The following NRXN1 variants were observed in gnomAD, a reference collection of about 807,000 sequenced individuals.
NRXN1 encodes neurexin 1.
In NRXN1, 39 loss-of-function variants were observed where a neutral mutation model predicts 150.9. That is an observed-to-expected ratio of 0.26 (90% CI 0.20 to 0.34). The LOEUF (loss-of-function observed/expected upper bound fraction) is 0.34. Ranked by LOEUF, NRXN1 falls within the 10% of genes least tolerant of loss-of-function variation. The pLI is 1.00. For missense variants in NRXN1, 1,815 were observed against 1,949.9 expected, an observed-to-expected ratio of 0.93 and a Z score of 1.30; for synonymous variants, 924 against 757.0, an observed-to-expected ratio of 1.22 and a Z score of -3.62.
rs551154450 is a variant in NRXN1, at chr2:50,449,244, A to G, written c.3364+16198T>C. Among the ~76,000 whole-genome samples the G allele has an allele frequency of 1.4e-4, 21 of 152,374 alleles. No homozygotes were observed. In the South Asian group the frequency reaches 4.1e-3, roughly 30 times the overall value. The stretch of plus-strand genomic sequence containing the variant: ...GCTAAACCAGTGGAGATTACCAAAA[A>G]GTAAAAGTAATGTAAAAATGGTGAA... On this transcript the variant is annotated intron_variant, in intron 17 of 22. Coordinates refer to ENST00000401669, the MANE Select transcript of NRXN1 (RefSeq NM_001330078.2).
chr2:50,733,206 C>T (rs992328460), intron 5 of NRXN1, among the ~76,000 whole-genome samples: 2 of 152,088 alleles, frequency 1.3e-5, no homozygotes, highest in African/African-American at 4.8e-5. Context: ...TTGATTGAAT[C>T]AGCAGTTTGT....
At chr2:50,356,016 A>T (rs1387184164) in intron 17 of NRXN1, among the ~76,000 whole-genome samples, 1 of 152,118 alleles carries the variant, frequency 6.6e-6, no homozygotes, top group Non-Finnish European at 1.5e-5. Flanking sequence ...ATTCATTGTC[A>T]TATTTTCCTA....
At chr2:50,054,679 T>C (rs1693321989) in intron 20 of NRXN1, among the ~76,000 whole-genome samples, 1 of 152,174 alleles carries the variant, frequency 6.6e-6, no homozygotes, top group Non-Finnish European at 1.5e-5. Flanking sequence ...TTGCTGTGAG[T>C]ACCCTCATAG....
intron 18 of NRXN1, among the ~76,000 whole-genome samples, chr2:50,205,712 T>C (rs951907094): frequency 2.0e-5 from 3 of 152,090 alleles, no homozygotes; most frequent in African/African-American, 7.2e-5. Context: ...CAAATATCCA[T>C]GAATTGATGA....
intron 18 of NRXN1, among the ~76,000 whole-genome samples, chr2:50,231,617 T>G (rs1213712751): frequency 6.6e-6 from 1 of 152,120 alleles, no homozygotes; most frequent in Non-Finnish European, 1.5e-5. Context: ...TGCTCTTTTA[T>G]GCTCCCAAGA....
chr2:50,510,726 G>C (rs1453563037), intron 12 of NRXN1, among the ~76,000 whole-genome samples: 1 of 152,060 alleles, frequency 6.6e-6, no homozygotes, highest in Admixed American at 6.6e-5. Context: ...AAGTCTCAAA[G>C]GCAGTAAGAA....
rs75210840 is a variant in NRXN1, at chr2:50,921,806, T to C, written c.832+63A>G. The C allele has an allele frequency of 2.6e-3, 2,044 of 781,252 alleles. 30 individuals carry two copies. In the African/African-American group the frequency reaches 0.032, roughly 12 times the overall value. 48.4% of individuals were successfully genotyped at this position (781,252 alleles called of 1,614,324 possible). A position where few individuals can be genotyped will look rare whatever the true frequency, so the allele number is the denominator to read the frequency against. ...ATGCCAAAAGGTCTAAATACATTTA[T>C]GTAACTCAGACACACTGTAATTCAT... On this transcript the variant is annotated intron_variant, in intron 5 of 22. Transcript: ENST00000401669.
intron 17 of NRXN1, among the ~76,000 whole-genome samples, chr2:50,364,342 T>C (rs753897148): frequency 1.3e-5 from 2 of 152,186 alleles, no homozygotes; most frequent in Non-Finnish European, 2.9e-5. Flanking sequence ...TATCTTTTCA[T>C]AGGCAGCATT....
chr2:50,896,075 A>G (rs915764712), intron 5 of NRXN1, among the ~76,000 whole-genome samples: 4 of 152,208 alleles, frequency 2.6e-5, no homozygotes, highest in Admixed American at 1.3e-4. Context: ...CATTAAAATC[A>G]ATATAACACA....
At chr2:50,433,373 C>G (rs894912822) in intron 17 of NRXN1, among the ~76,000 whole-genome samples, 2 of 152,136 alleles carry the variant, frequency 1.3e-5, no homozygotes, top group Non-Finnish European at 2.9e-5. Context: ...AATACACAAA[C>G]TTATATTGCA....
intron 16 of NRXN1, among the ~76,000 whole-genome samples, chr2:50,466,923 T>A (rs1243620082): frequency 6.6e-6 from 1 of 151,744 alleles, no homozygotes; most frequent in African/African-American, 2.4e-5. Context: ...TCCCTCTAGA[T>A]CCTTTATCTT....
chr2:50,463,224 T>C (rs956594609), intron 17 of NRXN1, among the ~76,000 whole-genome samples: 1 of 151,808 alleles, frequency 6.6e-6, no homozygotes, highest in African/African-American at 2.4e-5. Context: ...ATTTAAAAAG[T>C]GAGGAAAGTG....
intron 2 of NRXN1, among the ~76,000 whole-genome samples, chr2:50,946,200 C>G (rs1406308954): frequency 1.3e-5 from 2 of 152,034 alleles, no homozygotes; most frequent in Admixed American, 1.3e-4. Context: ...AAGTCCTTCA[C>G]CAGTAAGTTT....
chr2:50,119,195 C>A (rs1408347565), intron 18 of NRXN1, among the ~76,000 whole-genome samples: 2 of 151,986 alleles, frequency 1.3e-5, no homozygotes, highest in Non-Finnish European at 2.9e-5. Context: ...TTACGCTTTG[C>A]CAGAATGTCT....
At chr2:50,631,993 T>C (rs1265532159) in intron 5 of NRXN1, among the ~76,000 whole-genome samples, 1 of 151,916 alleles carries the variant, frequency 6.6e-6, no homozygotes, top group Non-Finnish European at 1.5e-5. Context: ...AATTTGAAAA[T>C]TTCTGGGTGC....
intron 18 of NRXN1, among the ~76,000 whole-genome samples, chr2:50,119,504 T>C (rs1040201173): frequency 1.3e-5 from 2 of 151,354 alleles, no homozygotes; most frequent in African/African-American, 4.9e-5. Flanking sequence ...CGGCAGGGAT[T>C]AGGGAGATGC....
chr2:50,072,558 G>A (rs1696448886), intron 19 of NRXN1, among the ~76,000 whole-genome samples: 1 of 146,822 alleles, frequency 6.8e-6, no homozygotes, highest in Non-Finnish European at 1.5e-5. Context: ...AAGTGATTTT[G>A]AGAGATTATA....
chr2:50,322,016 C>T (rs1391637876), intron 17 of NRXN1, among the ~76,000 whole-genome samples: 2 of 134,986 alleles, frequency 1.5e-5, no homozygotes, highest in African/African-American at 2.9e-5. Context: ...TGATCACAGA[C>T]GTAAAAAATT....
intron 5 of NRXN1, chr2:50,918,559 T>G: frequency 2.7e-6 from 1 of 373,928 alleles, no homozygotes; most frequent in Non-Finnish European, 4.8e-6. Context: ...ATTAACCAGC[T>G]ATTATGGCTT....
Sources: allele counts gnomAD v4.1 joint callset (sites outside exome capture counted in the v4.1 genomes callset), GRCh38; gene constraint gnomAD v4.1.1; transcripts MANE v1.5; gene names NCBI Gene and HGNC (gene_info 2026-07-23, HGNC 2026-07-21).